RAB3C: variants seen among roughly 807,000 people sequenced by gnomAD.
The protein encoded by RAB3C is ras-related protein Rab-3C.
RAB3C carries 17 observed loss-of-function variants against 26.4 expected under a neutral mutation model. The observed-to-expected ratio is 0.64, with a 90% CI of 0.44 to 0.97. The LOEUF (loss-of-function observed/expected upper bound fraction) is 0.97, where lower values mean the gene tolerates loss of function less well. RAB3C is among the 50% of genes least tolerant of loss of function. RAB3C has a pLI of 0.00. For synonymous variants in RAB3C, 91 were observed against 95.9 expected (o/e 0.95, Z 0.30); for missense variants, 242 against 281.9 (o/e 0.86, Z 1.01).
intron 3 of RAB3C, among the ~76,000 whole-genome samples, chr5:58,783,126 A>G (rs950739810): frequency 6.6e-6 from 1 of 152,116 alleles, no homozygotes; most frequent in African/African-American, 2.4e-5. Context: ...ACCTTATTCC[A>G]TCCTCCCTTT....
intron 2 of RAB3C, among the ~76,000 whole-genome samples, chr5:58,701,001 TATTTATTTATTTG>T (rs1431266045): frequency 9.2e-5 from 14 of 151,768 alleles, no homozygotes; most frequent in Admixed American, 2.0e-4. Flanking sequence ...TTTATTTATT[TATTTATTTATTTG>T]AGATGGACTC....
At chr5:58,625,205 A>G (rs1323301733) in intron 2 of RAB3C, among the ~76,000 whole-genome samples, 1 of 151,870 alleles carries the variant, frequency 6.6e-6, no homozygotes, top group Non-Finnish European at 1.5e-5. Flanking sequence ...GCCACTGTGC[A>G]TATTTTATTT....
chr5:58,745,392 C>CAAAAAAAAAAAAAAAAAA (rs1173604247), intron 3 of RAB3C, among the ~76,000 whole-genome samples: 2 of 33,110 alleles, frequency 6.0e-5, no homozygotes, highest in African/African-American at 1.9e-4. Flanking sequence ...GACTCTGCTT[C>CAAAAAAAAAAAAAAAAAA]AAAAAAAAAA....
intron 3 of RAB3C, among the ~76,000 whole-genome samples, chr5:58,782,217 G>C (rs1350706663): frequency 3.9e-5 from 6 of 152,094 alleles, no homozygotes. Context: ...CACAGGTTCA[G>C]ACTTCAACAG....
intron 3 of RAB3C, among the ~76,000 whole-genome samples, chr5:58,811,024 TAAG>T (rs990490656): frequency 2.0e-5 from 3 of 152,208 alleles, no homozygotes; most frequent in African/African-American, 7.2e-5. Context: ...GGAGGCACAG[TAAG>T]ACCAGGACTT....
intron 2 of RAB3C, among the ~76,000 whole-genome samples, chr5:58,646,130 A>T (rs1330472053): frequency 6.6e-6 from 1 of 152,114 alleles, no homozygotes; most frequent in African/African-American, 2.4e-5. Flanking sequence ...TTTTGGCTTC[A>T]TTCTTTGAGT....
intron 2 of RAB3C, among the ~76,000 whole-genome samples, chr5:58,632,321 A>G (rs1747200166): frequency 1.3e-5 from 2 of 152,256 alleles, no homozygotes; most frequent in Non-Finnish European, 2.9e-5. Context: ...TCCCAGAGTC[A>G]GTCCCTTGTC....
rs1744146140 is a variant in RAB3C at position 58,852,954 on chromosome 5, T to A, written c.*1603T>A. The A allele has an allele frequency of 6.6e-6, 1 of 152,116 alleles. No individual in the cohort carries two copies. The highest frequency in any genetic ancestry group is 2.1e-4 in the South Asian group (1 of 4,834). 9.4% of individuals were successfully genotyped at this position (152,116 alleles called of 1,614,324 possible). ...TCTAAAGATATCTTTGGAGAATAAA[T>A]CCTTACAAGTCACAGAACTAGGTCA... On this transcript the variant is annotated 3_prime_UTR_variant, in exon 5 of 5. Coordinates refer to ENST00000282878, the MANE Select transcript of RAB3C (RefSeq NM_138453.4).
intron 2 of RAB3C, among the ~76,000 whole-genome samples, chr5:58,652,485 T>G (rs1747676572): frequency 6.6e-6 from 1 of 151,866 alleles, no homozygotes; most frequent in African/African-American, 2.4e-5. Flanking sequence ...ACTATAAAGA[T>G]GAAATCATTA....
chr5:58,739,492 C>T (rs1226746012), intron 3 of RAB3C, among the ~76,000 whole-genome samples: 2 of 151,958 alleles, frequency 1.3e-5, no homozygotes, highest in South Asian at 2.1e-4. Context: ...GAACCAACCT[C>T]GCCTATGTAC....
intron 3 of RAB3C, among the ~76,000 whole-genome samples, chr5:58,751,636 A>G (rs1741527238): frequency 1.3e-5 from 2 of 152,224 alleles, no homozygotes; most frequent in African/African-American, 4.8e-5. Context: ...GCTAAAGTCC[A>G]TTTTTTGAAA....
At chr5:58,829,602 A>G (rs1176730992) in intron 4 of RAB3C, among the ~76,000 whole-genome samples, 1 of 152,208 alleles carries the variant, frequency 6.6e-6, no homozygotes, top group Non-Finnish European at 1.5e-5. Flanking sequence ...TCTGAGGAGA[A>G]GTCATTATTA....
At position 58,851,330 on chromosome 5, in the gene RAB3C, G is replaced by T; in HGVS notation, c.663G>T (p.Pro221=). The T allele has an allele frequency of 6.2e-7, 1 of 1,606,736 alleles. No homozygotes were observed. The highest frequency in any genetic ancestry group is 8.5e-7 in the Non-Finnish European group (1 of 1,177,164). Residue 221 remains proline, a synonymous_variant, in exon 5 of 5, where the codon CCG becomes CCT. Coordinates refer to ENST00000282878, the MANE Select transcript of RAB3C (RefSeq NM_138453.4). ...NTRLKETPPP[P]QPNCAC The stretch of plus-strand genomic sequence containing the variant: ...GACTCAAGGAAACTCCTCCTCCACC[G>T]CAGCCCAACTGTGCCTGCTAGTGTC...
At chr5:58,827,381 T>A (rs1302816707) in intron 4 of RAB3C, among the ~76,000 whole-genome samples, 1 of 152,146 alleles carries the variant, frequency 6.6e-6, no homozygotes, top group Non-Finnish European at 1.5e-5. Context: ...GGTTAAAAAA[T>A]ATATATATGT....
chr5:58,693,089 A>G, intron 2 of RAB3C, among the ~76,000 whole-genome samples: 1 of 150,792 alleles, frequency 6.6e-6, no homozygotes, highest in Non-Finnish European at 1.5e-5. Flanking sequence ...CCTGGGCAAC[A>G]AGAGTGAAAC....
chr5:58,626,947 T>C (rs546535206), intron 2 of RAB3C, among the ~76,000 whole-genome samples: 3 of 152,294 alleles, frequency 2.0e-5, no homozygotes, highest in African/African-American at 7.2e-5. Context: ...TCTGGATTGC[T>C]CTCTGGATCA....
At chr5:58,599,189 C>G (rs779510065) in intron 1 of RAB3C, among the ~76,000 whole-genome samples, 1 of 152,132 alleles carries the variant, frequency 6.6e-6, no homozygotes, top group Non-Finnish European at 1.5e-5. Flanking sequence ...GTGGAATGCT[C>G]TTTTTCAGAG....
At chr5:58,605,448 A>G (rs536688867) in intron 1 of RAB3C, among the ~76,000 whole-genome samples, 1 of 152,296 alleles carries the variant, frequency 6.6e-6, no homozygotes, top group East Asian at 1.9e-4. Flanking sequence ...AAAAAGCTGA[A>G]CAAACTAAAA....
At chr5:58,785,474 C>A (rs1217393037) in intron 3 of RAB3C, among the ~76,000 whole-genome samples, 1 of 152,214 alleles carries the variant, frequency 6.6e-6, no homozygotes, top group South Asian at 2.1e-4. Context: ...ATTCAAGCTT[C>A]TACTATTTGG....
Sources: allele counts gnomAD v4.1 joint callset (sites outside exome capture counted in the v4.1 genomes callset), GRCh38; gene constraint gnomAD v4.1.1; transcripts MANE v1.5; gene names NCBI Gene and HGNC (gene_info 2026-07-23, HGNC 2026-07-21).